SYN3: variants seen among roughly 807,000 people sequenced by gnomAD.
SYN3 encodes the protein synapsin-3.
In SYN3, 35 loss-of-function variants were observed where a neutral mutation model predicts 65.8. The observed-to-expected ratio is 0.53, with a 90% CI of 0.41 to 0.70. The LOEUF (loss-of-function observed/expected upper bound fraction) is 0.70, where lower values mean the gene tolerates loss of function less well. Ranked by LOEUF, SYN3 falls within the 30% of genes least tolerant of loss-of-function variation. The pLI is 0.00. For synonymous variants in SYN3, 270 were observed against 292.9 expected, an observed-to-expected ratio of 0.92 and a Z score of 0.80; for missense variants, 680 against 749.0, an observed-to-expected ratio of 0.91 and a Z score of 1.08.
At chr22:32,946,061 T>G (rs1451543306) in intron 3 of SYN3, among the ~76,000 whole-genome samples, 1 of 144,390 alleles carries the variant, frequency 6.9e-6, no homozygotes, top group Non-Finnish European at 1.5e-5. Flanking sequence ...GGAGAGGATG[T>G]GGAGAAATAG....
intron 6 of SYN3, among the ~76,000 whole-genome samples, chr22:32,784,327 C>T (rs76244430): frequency 6.6e-6 from 1 of 152,194 alleles, no homozygotes; most frequent in African/African-American, 2.4e-5. Flanking sequence ...CTGGAATGCC[C>T]ATCTTGGGAG....
At chr22:32,687,002 C>G (rs2060599632) in intron 6 of SYN3, among the ~76,000 whole-genome samples, 1 of 152,022 alleles carries the variant, frequency 6.6e-6, no homozygotes, top group Non-Finnish European at 1.5e-5. Flanking sequence ...GCTTCTCAGA[C>G]CAGAACTGAC....
intron 3 of SYN3, among the ~76,000 whole-genome samples, chr22:32,964,778 C>G (rs1228939667): frequency 6.6e-6 from 1 of 152,178 alleles, no homozygotes; most frequent in Non-Finnish European, 1.5e-5. Flanking sequence ...ACCATATACT[C>G]AGAACTCCAC....
intron 4 of SYN3, among the ~76,000 whole-genome samples, chr22:32,880,648 G>A (rs1184236486): frequency 6.6e-6 from 1 of 152,156 alleles, no homozygotes; most frequent in Non-Finnish European, 1.5e-5. Context: ...GGAGCCGCTG[G>A]GGGCACTGGC....
intron 2 of SYN3, among the ~76,000 whole-genome samples, chr22:33,000,490 G>C (rs1037503889): frequency 6.6e-6 from 1 of 152,136 alleles, no homozygotes; most frequent in Non-Finnish European, 1.5e-5. Context: ...CTACAAGCTG[G>C]ACACATCAGG....
At chr22:32,623,153 T>C (rs1291506380) in intron 6 of SYN3, among the ~76,000 whole-genome samples, 1 of 152,104 alleles carries the variant, frequency 6.6e-6, no homozygotes, top group African/African-American at 2.4e-5. Flanking sequence ...TTGTCACAGA[T>C]TGTCAAAGGA....
intron 6 of SYN3, among the ~76,000 whole-genome samples, chr22:32,609,476 G>GTT (rs11303501): frequency 7.9e-5 from 11 of 138,914 alleles, no homozygotes; most frequent in Non-Finnish European, 1.1e-4. Flanking sequence ...CCTGCCTGGT[G>GTT]TTTTTTTTTT....
chr22:32,608,489 A>G (rs2146668460), intron 6 of SYN3, among the ~76,000 whole-genome samples: 1 of 152,354 alleles, frequency 6.6e-6, no homozygotes, highest in South Asian at 2.1e-4. Context: ...CACACATTTA[A>G]TGTCTTAAGA....
chr22:32,690,130 C>T (rs2060642924), intron 6 of SYN3, among the ~76,000 whole-genome samples: 1 of 152,020 alleles, frequency 6.6e-6, no homozygotes, highest in Non-Finnish European at 1.5e-5. Context: ...TAGCTGAGAT[C>T]GTGCCACTGC....
At chr22:32,707,415 G>A (rs752190947) in intron 6 of SYN3, among the ~76,000 whole-genome samples, 1 of 152,142 alleles carries the variant, frequency 6.6e-6, no homozygotes, top group Non-Finnish European at 1.5e-5. Context: ...GAGAAGCATG[G>A]GCCTCAGCCT....
chr22:32,924,919 C>A (rs2050428606), intron 4 of SYN3, among the ~76,000 whole-genome samples: 1 of 151,970 alleles, frequency 6.6e-6, no homozygotes, highest in Non-Finnish European at 1.5e-5. Flanking sequence ...GAGCAAGACC[C>A]CATCTCCACC....
chr22:32,673,398 C>A (rs1316622227), intron 6 of SYN3, among the ~76,000 whole-genome samples: 12 of 152,224 alleles, frequency 7.9e-5, no homozygotes, highest in African/African-American at 2.9e-4. Context: ...CACTGTGGGT[C>A]TTGATGCAGA....
At chr22:32,539,858 G>A (rs2146226692) in intron 8 of SYN3, among the ~76,000 whole-genome samples, 1 of 151,948 alleles carries the variant, frequency 6.6e-6, no homozygotes, top group East Asian at 1.9e-4. Flanking sequence ...AGAGAGGAGG[G>A]AAATGATATC....
intron 6 of SYN3, among the ~76,000 whole-genome samples, chr22:32,798,957 CT>C (rs2046496681): frequency 6.6e-6 from 1 of 151,990 alleles, no homozygotes; most frequent in African/African-American, 2.4e-5. Flanking sequence ...TCTCAAAGTG[CT>C]GGGATTACAG....
At chr22:33,025,272 G>A (rs1232954114) in intron 1 of SYN3, among the ~76,000 whole-genome samples, 1 of 151,620 alleles carries the variant, frequency 6.6e-6, no homozygotes, top group Non-Finnish European at 1.5e-5. Flanking sequence ...TGGCCAATAT[G>A]GTAAAACCCC....
At chr22:32,949,510 T>C (rs2051222484) in intron 3 of SYN3, among the ~76,000 whole-genome samples, 1 of 152,004 alleles carries the variant, frequency 6.6e-6, no homozygotes, top group Non-Finnish European at 1.5e-5. Flanking sequence ...GTAATTAAAC[T>C]CGTGTCCAGT....
intron 7 of SYN3, among the ~76,000 whole-genome samples, chr22:32,543,596 C>A (rs533363720): frequency 2.0e-5 from 3 of 152,292 alleles, no homozygotes; most frequent in African/African-American, 7.2e-5. Flanking sequence ...GCTGCAGTGG[C>A]GGTGGTGTGC....
chr22:32,843,668 C>T (rs2047979646), intron 6 of SYN3, among the ~76,000 whole-genome samples: 1 of 152,154 alleles, frequency 6.6e-6, no homozygotes. Context: ...TTCCAGATCC[C>T]TCTTTTCCTC....
chr22:32,766,021 T>TTTG (rs1018665748), intron 6 of SYN3, among the ~76,000 whole-genome samples: 2 of 152,180 alleles, frequency 1.3e-5, no homozygotes, highest in Non-Finnish European at 1.5e-5. Flanking sequence ...TTTCAAGGTT[T>TTTG]TTGTTGTTGT....
Sources: allele counts gnomAD v4.1 joint callset (sites outside exome capture counted in the v4.1 genomes callset), GRCh38; gene constraint gnomAD v4.1.1; transcripts MANE v1.5; gene names NCBI Gene and HGNC (gene_info 2026-07-23, HGNC 2026-07-21).